The following P2RY8 variants were observed in gnomAD, a reference collection of about 807,000 sequenced individuals.
P2RY8 encodes P2Y receptor family member 8.
A neutral mutation model predicts 10.0 loss-of-function variants in P2RY8; 6 were observed. The observed-to-expected ratio is 0.60, with a 90% CI of 0.33 to 1.19. The LOEUF (loss-of-function observed/expected upper bound fraction) is 1.19. Among genes scored for constraint, P2RY8 ranks in the 50% most tolerant of loss-of-function variants. The probability of loss-of-function intolerance (pLI) is 0.04; values close to 1 mark genes in which losing one functional copy is unlikely to be tolerated. For missense variants in P2RY8, 456 were observed against 542.0 expected (o/e 0.84, Z 1.58); for synonymous variants, 276 against 252.5 (o/e 1.09, Z -0.88).
intron 1 of P2RY8, among the ~76,000 whole-genome samples, chrX:1,479,151 G>A (rs2091908830): frequency 6.6e-6 from 1 of 152,218 alleles, no homozygotes; most frequent in East Asian, 1.9e-4. Flanking sequence ...ATTCGTGTTT[G>A]TCTTTGGATC....
intron 1 of P2RY8, among the ~76,000 whole-genome samples, chrX:1,480,662 G>A (rs1457501478): frequency 6.6e-6 from 1 of 151,930 alleles, no homozygotes; most frequent in African/African-American, 2.4e-5. Context: ...CACACACCAG[G>A]GCCTGTCGGG....
At chrX:1,530,474 A>G (rs2092466505) in intron 1 of P2RY8, among the ~76,000 whole-genome samples, 1 of 145,366 alleles carries the variant, frequency 6.9e-6, no homozygotes, top group African/African-American at 2.5e-5. Context: ...GTATGTATGT[A>G]TCTACCTATC....
chrX:1,499,352 G>T (rs59411093), intron 1 of P2RY8, among the ~76,000 whole-genome samples: 1 of 151,698 alleles, frequency 6.6e-6, no homozygotes, highest in Non-Finnish European at 1.5e-5. Flanking sequence ...TTTTAGTAGA[G>T]ACGGGGTTTC....
chrX:1,467,195 C>A lies in P2RY8; in HGVS notation c.-24-613G>T, dbSNP rs546932564. On this transcript the variant is annotated intron_variant, in intron 1 of 1. Coordinates refer to ENST00000381297, the MANE Select transcript of P2RY8 (RefSeq NM_178129.5). ...AGTGTCTATCAGCAGAAAACACACACTCCGAGTGCCAGGAGACCAACCCGC... is the reference window on the plus strand; with the variant it reads ...AGTGTCTATCAGCAGAAAACACACAATCCGAGTGCCAGGAGACCAACCCGC... Among the ~76,000 whole-genome samples, 23 of 152,270 alleles carry A rather than the reference C, an allele frequency of 1.5e-4. 1 individual carries two copies. The highest frequency in any genetic ancestry group is 4.8e-4 in the African/African-American group (20 of 41,544).
intron 1 of P2RY8, among the ~76,000 whole-genome samples, chrX:1,531,068 G>GTCTATCTATCTATCTATCTATCTATTTA (rs2092471901): frequency 2.0e-5 from 3 of 149,928 alleles, no homozygotes; most frequent in Non-Finnish European, 4.4e-5. Context: ...CTGTCTGTCT[G>GTCTATCTATCTATCTATCTATCTATTTA]TCTATCTATC....
intron 1 of P2RY8, among the ~76,000 whole-genome samples, chrX:1,482,372 T>A (rs2091944746): frequency 6.6e-6 from 1 of 151,740 alleles, no homozygotes; most frequent in African/African-American, 2.4e-5. Flanking sequence ...AAATAGCACG[T>A]ATGCTGAAAT....
Position 1,465,447 on chromosome X carries a change from G to A in P2RY8, c.*32C>T, listed in dbSNP as rs1355847134. 4 of 1,567,410 alleles carry A rather than the reference G, an allele frequency of 2.6e-6. No individual in the cohort carries two copies. Among genetic ancestry groups the A allele is most frequent in the African/African-American group, 1.4e-5 (1 of 73,452 alleles). ...ATGCGCCCCTGGATCTCCAAGCTGCGCCCCCGGCTCTCCAAGCTGCGCCCC... is the reference window on the plus strand; with the variant it reads ...ATGCGCCCCTGGATCTCCAAGCTGCACCCCCGGCTCTCCAAGCTGCGCCCC... On this transcript the variant is annotated 3_prime_UTR_variant, in exon 2 of 2. Transcript: ENST00000381297.
chrX:1,474,954 G>A (rs1367893830), intron 1 of P2RY8, among the ~76,000 whole-genome samples: 3 of 146,242 alleles, frequency 2.1e-5, no homozygotes, highest in African/African-American at 7.7e-5. Flanking sequence ...GGTTGGACGT[G>A]TGGGTGGATG....
intron 1 of P2RY8, among the ~76,000 whole-genome samples, chrX:1,497,460 C>T (rs2092128652): frequency 6.6e-6 from 1 of 151,060 alleles, no homozygotes; most frequent in Admixed American, 6.6e-5. Flanking sequence ...GAGTTTGAGA[C>T]CAGCCTGGCC....
At chrX:1,509,869 GTATC>G (rs1429925280) in intron 1 of P2RY8, among the ~76,000 whole-genome samples, 2 of 147,528 alleles carry the variant, frequency 1.4e-5, no homozygotes, top group Non-Finnish European at 3.0e-5. Flanking sequence ...ATGTATCTAT[GTATC>G]TATCCATTCT....
intron 1 of P2RY8, among the ~76,000 whole-genome samples, chrX:1,491,197 A>C (rs1248127444): frequency 6.6e-6 from 1 of 151,804 alleles, no homozygotes; most frequent in African/African-American, 2.4e-5. Flanking sequence ...GAATGAATGA[A>C]TGATACCCAG....
intron 1 of P2RY8, among the ~76,000 whole-genome samples, chrX:1,510,246 C>G (rs1432427645): frequency 1.2e-4 from 18 of 152,116 alleles, no homozygotes; most frequent in South Asian, 2.1e-4. Flanking sequence ...TATATCTATT[C>G]ATCTATCTGT....
At chrX:1,472,747 A>G in intron 1 of P2RY8, among the ~76,000 whole-genome samples, 1 of 117,862 alleles carries the variant, frequency 8.5e-6, no homozygotes. Context: ...GTGTGGATGG[A>G]TAGATCAGTG....
chrX:1,512,072 C>G (rs753504710), intron 1 of P2RY8, among the ~76,000 whole-genome samples: 1 of 151,866 alleles, frequency 6.6e-6, no homozygotes, highest in East Asian at 1.9e-4. Context: ...CCCAGGCTGG[C>G]GGGGGGGTCT....
chrX:1,493,160 CG>C, intron 1 of P2RY8, among the ~76,000 whole-genome samples: 1 of 150,062 alleles, frequency 6.7e-6, no homozygotes, highest in East Asian at 2.0e-4. Context: ...TTGGGGTGGG[CG>C]CCTGTAATCC....
chrX:1,515,315 G>C (rs1386270477), intron 1 of P2RY8, among the ~76,000 whole-genome samples: 1 of 151,424 alleles, frequency 6.6e-6, no homozygotes, highest in Non-Finnish European at 1.5e-5. Context: ...AGTTCATTGG[G>C]TTTAGAACGT....
At chrX:1,469,373 A>G (rs1208993582) in intron 1 of P2RY8, among the ~76,000 whole-genome samples, 2 of 151,366 alleles carry the variant, frequency 1.3e-5, no homozygotes, top group Non-Finnish European at 2.9e-5. Flanking sequence ...CACCATGTTA[A>G]CCAGGCTGGT....
chrX:1,495,224 G>A (rs1367350247), intron 1 of P2RY8, among the ~76,000 whole-genome samples: 1 of 152,038 alleles, frequency 6.6e-6, no homozygotes, highest in Non-Finnish European at 1.5e-5. Context: ...TACAAACAGC[G>A]AGCTCAGTAT....
chrX:1,475,847 T>C (rs1236172676), intron 1 of P2RY8, among the ~76,000 whole-genome samples: 1 of 152,122 alleles, frequency 6.6e-6, no homozygotes, highest in African/African-American at 2.4e-5. Flanking sequence ...TTGAGAAATG[T>C]CCAACACTAG....
Sources: allele counts gnomAD v4.1 joint callset (sites outside exome capture counted in the v4.1 genomes callset), GRCh38; gene constraint gnomAD v4.1.1; transcripts MANE v1.5; gene names NCBI Gene and HGNC (gene_info 2026-07-23, HGNC 2026-07-21).